Variants in SLC25A16 observed in about 807,000 individuals in gnomAD.
SLC25A16 encodes solute carrier family 25 member 16.
In SLC25A16, 39 loss-of-function variants were observed where a neutral mutation model predicts 41.5. That is an observed-to-expected ratio of 0.94 (90% CI 0.73 to 1.23). SLC25A16 has a LOEUF of 1.23. Ranked by LOEUF, SLC25A16 falls within the 50% of genes most tolerant of loss-of-function variation. SLC25A16 has a pLI of 0.00. For synonymous variants in SLC25A16, 146 were observed against 147.8 expected, an observed-to-expected ratio of 0.99 and a Z score of 0.09; for missense variants, 421 against 426.9, an observed-to-expected ratio of 0.99 and a Z score of 0.12.
chr10:68,495,113 A>G (rs1353490772), intron 4 of SLC25A16, among the ~76,000 whole-genome samples: 1 of 151,808 alleles, frequency 6.6e-6, no homozygotes, highest in African/African-American at 2.4e-5. Context: ...AAAACTTCGT[A>G]TTTATTTAAA....
At chr10:68,527,224 G>A in intron 1 of SLC25A16, 22 bp downstream of exon 1, 1 of 1,544,230 alleles carries the variant, frequency 6.5e-7, no homozygotes, top group Non-Finnish European at 8.7e-7. Flanking sequence ...AGCGCGGCTG[G>A]CTCTTCGTGG....
chr10:68,479,573 G>GC lies in SLC25A16; in HGVS notation c.*3858_*3859insG, dbSNP rs11458308. Reference sequence around the variant, plus strand: ...GTAGTCCCAGCATTTTGGGAAGTCGGGGGGGCAGATCACTTGAGGTCAGGT... The same window carrying GC: ...GTAGTCCCAGCATTTTGGGAAGTCGGCGGGGGCAGATCACTTGAGGTCAGGT... On this transcript the variant is annotated 3_prime_UTR_variant, in exon 9 of 9. Coordinates refer to ENST00000609923, the MANE Select transcript of SLC25A16 (RefSeq NM_152707.4). 3 of 151,628 alleles carry GC rather than the reference G, an allele frequency of 2.0e-5. No homozygotes were observed. The highest frequency in any genetic ancestry group is 1.9e-4 in the East Asian group (1 of 5,188). 9.4% of individuals were successfully genotyped at this position (151,628 alleles called of 1,614,324 possible). A position where few individuals can be genotyped will look rare whatever the true frequency, so the allele number is the denominator to read the frequency against.
chr10:68,521,631 T>C (rs999204632), intron 1 of SLC25A16, among the ~76,000 whole-genome samples: 1 of 137,646 alleles, frequency 7.3e-6, no homozygotes, highest in African/African-American at 2.8e-5. Context: ...TCTCGCTCTG[T>C]CGCCCAGGCT....
intron 8 of SLC25A16, among the ~76,000 whole-genome samples, chr10:68,486,136 T>G (rs1025494586): frequency 8.1e-5 from 12 of 148,906 alleles, no homozygotes; most frequent in Non-Finnish European, 1.8e-4. Context: ...GAGAATCGCT[T>G]GAACCCGGAA....
intron 2 of SLC25A16, among the ~76,000 whole-genome samples, chr10:68,508,631 T>G (rs989472340): frequency 6.6e-6 from 1 of 150,904 alleles, no homozygotes; most frequent in African/African-American, 2.4e-5. Context: ...GGCAGGAGAA[T>G]CGCTTGAACC....
In SLC25A16 at chr10:68,481,453, T is replaced by C. The variant is rs999437576; in HGVS notation, c.*1979A>G. ...TAAAAATTGAAGCAAAAATAACACT[T>C]TCAACTTAGTTTTCCTTCTTTTGTT... On this transcript the variant is annotated 3_prime_UTR_variant, in exon 9 of 9. Transcript: ENST00000609923. The C allele has an allele frequency of 6.6e-6, 1 of 152,096 alleles. No homozygotes were observed. Among genetic ancestry groups the C allele is most frequent in the African/African-American group, 2.4e-5 (1 of 41,434 alleles). 9.4% of individuals were successfully genotyped at this position (152,096 alleles called of 1,614,324 possible).
At chr10:68,517,107 TA>T in intron 1 of SLC25A16, 4 of 1,132,246 alleles carry the variant, frequency 3.5e-6, no homozygotes, top group Non-Finnish European at 4.3e-6. Context: ...GGAATCTTGC[TA>T]AAATGTGGTT....
rs540583345 is a variant in SLC25A16 at position 68,488,478 on chromosome 10, C to A, written c.762G>T (p.Ala254=). 1.2e-5 allele frequency: 19 copies of A among 1,537,970 alleles called. No homozygotes were observed. In the South Asian group the frequency reaches 2.2e-4, roughly 17 times the overall value. Reference sequence around the variant, plus strand: ...GTGAAGAAACTTACGATATTGTCTGCGCTATTGCTCCAGCAACACCACCAC... The same window carrying A: ...GTGAAGAAACTTACGATATTGTCTGAGCTATTGCTCCAGCAACACCACCAC... ...LLCGGVAGAI[A]QTISYPFDVT... is the part of the protein sequence containing the mutation. The change falls in exon 7 of 9, where the codon GCG becomes GCT. Residue 254 remains alanine, a synonymous_variant. Transcript: ENST00000609923.
At chr10:68,519,923 A>G (rs1305842794) in intron 1 of SLC25A16, among the ~76,000 whole-genome samples, 2 of 152,006 alleles carry the variant, frequency 1.3e-5, no homozygotes, top group African/African-American at 4.8e-5. Flanking sequence ...CTCAAAAAAA[A>G]AGAGAGAAAT....
At chr10:68,517,251 T>TA in intron 1 of SLC25A16, 3 of 987,984 alleles carry the variant, frequency 3.0e-6, no homozygotes, top group Non-Finnish European at 3.6e-6. Flanking sequence ...CTGTTTGAAG[T>TA]AAACTCCTCT....
chr10:68,492,281 T>C (rs2052671827), intron 6 of SLC25A16, among the ~76,000 whole-genome samples: 1 of 152,168 alleles, frequency 6.6e-6, no homozygotes, highest in Non-Finnish European at 1.5e-5. Context: ...ACCCTTCCTC[T>C]ATATAAAATC....
chr10:68,492,540 G>T (rs61856472), intron 6 of SLC25A16, among the ~76,000 whole-genome samples: 56 of 152,118 alleles, frequency 3.7e-4, no homozygotes, highest in African/African-American at 1.3e-3. Context: ...AGGCCAAGGC[G>T]GGTAGATCAC....
intron 2 of SLC25A16, among the ~76,000 whole-genome samples, chr10:68,509,074 A>T (rs931683411): frequency 6.6e-6 from 1 of 152,164 alleles, no homozygotes; most frequent in Non-Finnish European, 1.5e-5. Context: ...GCGGTGGTTC[A>T]TGTCTTTATT....
rs1413787005 is a variant in SLC25A16, at chr10:68,506,618, T to C, written c.324A>G (p.Ala108=). 1.2e-6 allele frequency: 2 copies of C among 1,603,164 alleles called. No individual in the cohort carries two copies. The highest frequency in any genetic ancestry group is 8.5e-7 in the Non-Finnish European group (1 of 1,175,898). ...AATGCTCAAATGCCATAAACTGGAT[T>C]GCACCATAGGGAAAGATTCGAATCA... ...AMMIRIFPYG[A]IQFMAFEHYK... is the part of the protein sequence containing the mutation. The change falls in exon 3 of 9, where the codon GCA becomes GCG. Residue 108 remains alanine (A), a synonymous_variant. Transcript: ENST00000609923.
At chr10:68,519,188 G>A (rs142851657) in intron 1 of SLC25A16, among the ~76,000 whole-genome samples, 404 of 149,404 alleles carry the variant, frequency 2.7e-3, no homozygotes, top group Admixed American at 4.5e-3. Flanking sequence ...ATGAAACTCC[G>A]TCTCAAAAAA....
intron 4 of SLC25A16, among the ~76,000 whole-genome samples, chr10:68,501,229 C>A (rs1443425992): frequency 6.6e-6 from 1 of 151,372 alleles, no homozygotes; most frequent in Admixed American, 6.6e-5. Flanking sequence ...CCAACCTGGG[C>A]GACAGAGAGG....
intron 2 of SLC25A16, among the ~76,000 whole-genome samples, chr10:68,511,311 T>C (rs1479553433): frequency 1.3e-5 from 2 of 152,174 alleles, no homozygotes; most frequent in African/African-American, 2.4e-5. Flanking sequence ...CTCGTATATA[T>C]TAAAAATAGA....
At chr10:68,505,329 A>G (rs1038253236) in intron 3 of SLC25A16, among the ~76,000 whole-genome samples, 3 of 152,086 alleles carry the variant, frequency 2.0e-5, no homozygotes, top group Admixed American at 6.6e-5. Context: ...AGCCTAGGTG[A>G]CAGAGAAACT....
chr10:68,506,007 G>T (rs1482855990), intron 3 of SLC25A16, among the ~76,000 whole-genome samples: 1 of 151,748 alleles, frequency 6.6e-6, no homozygotes, highest in Non-Finnish European at 1.5e-5. Context: ...ACTCCAGCCT[G>T]GGCAACAGAG....
Sources: allele counts gnomAD v4.1 joint callset (sites outside exome capture counted in the v4.1 genomes callset), GRCh38; gene constraint gnomAD v4.1.1; transcripts MANE v1.5; gene names NCBI Gene and HGNC (gene_info 2026-07-23, HGNC 2026-07-21).